Variants in BMP2K observed in about 807,000 individuals in gnomAD.
BMP2K encodes the protein BMP-2-inducible protein kinase.
BMP2K carries 74 observed loss-of-function variants against 116.0 expected under a neutral mutation model. The observed-to-expected ratio is 0.64, with a 90% CI of 0.53 to 0.77. BMP2K has a LOEUF of 0.77. Among genes scored for constraint, BMP2K ranks in the 30% least tolerant of loss-of-function variants. BMP2K has a pLI of 0.00. For missense variants in BMP2K, 1,365 were observed against 1,403.6 expected (o/e 0.97, Z 0.44); for synonymous variants, 486 against 502.5 (o/e 0.97, Z 0.44).
At chr4:78,837,913 G>A (rs906043225) in intron 3 of BMP2K, among the ~76,000 whole-genome samples, 5 of 152,182 alleles carry the variant, frequency 3.3e-5, no homozygotes, top group Non-Finnish European at 7.3e-5. Context: ...AAAGTGTTGC[G>A]ATTAAGGGCA....
chr4:78,810,551 G>C (rs1468058565), intron 1 of BMP2K, among the ~76,000 whole-genome samples: 2 of 152,168 alleles, frequency 1.3e-5, no homozygotes, highest in Non-Finnish European at 2.9e-5. Flanking sequence ...GCCGAGTCAG[G>C]TCACATAAAG....
intron 15 of BMP2K, among the ~76,000 whole-genome samples, chr4:78,902,135 G>A (rs1434634141): frequency 2.0e-5 from 3 of 152,078 alleles, no homozygotes; most frequent in Admixed American, 2.0e-4. Flanking sequence ...TAATAGTTAC[G>A]ATATACTGAA....
At chr4:78,841,543 A>T (rs1156244342) in intron 3 of BMP2K, among the ~76,000 whole-genome samples, 2 of 151,706 alleles carry the variant, frequency 1.3e-5, no homozygotes, top group Non-Finnish European at 2.9e-5. Flanking sequence ...GCCCATTTTG[A>T]CTCTTTTGAT....
chr4:78,857,775 T>G (rs938070261), intron 7 of BMP2K, among the ~76,000 whole-genome samples: 1 of 152,132 alleles, frequency 6.6e-6, no homozygotes, highest in East Asian at 1.9e-4. Flanking sequence ...GAATTTGCTC[T>G]CTAGCTTTCA....
At chr4:78,842,356 T>C (rs367824375) in intron 3 of BMP2K, 29 bp from the exon 4 acceptor site, 15 of 1,560,262 alleles carry the variant, frequency 9.6e-6, no homozygotes, top group African/African-American at 1.4e-5. Flanking sequence ...ATTAAAAATA[T>C]GTCCTCTCAA....
chr4:78,842,497 T>G lies in BMP2K; in HGVS notation c.516T>G (p.Cys172Trp). ...TCEAVARLHQ[C>W]KTPIIHRDLK... is the part of the protein sequence containing the mutation. Reference sequence around the variant, plus strand: ...AAGCTGTTGCAAGGTTGCATCAGTGTAAGACTCCAATAATTCACCGGGATC... The same window carrying G: ...AAGCTGTTGCAAGGTTGCATCAGTGGAAGACTCCAATAATTCACCGGGATC... The change falls in exon 4 of 16, where the codon TGT becomes TGG. Residue 172 changes from cysteine to tryptophan, a missense_variant. Cys to Trp is a radical substitution (Grantham distance 215). Around this residue, in one of 3 missense-constraint regions of BMP2K, gnomAD observed 762 missense variants for 756.7 expected, o/e 1.01. Transcript: ENST00000502613. 1 of 1,594,676 alleles carries G rather than the reference T, an allele frequency of 6.3e-7. No individual in the cohort carries two copies. The highest frequency in any genetic ancestry group is 8.6e-7 in the Non-Finnish European group (1 of 1,166,000).
intron 6 of BMP2K, 120 bp downstream of exon 6, chr4:78,847,389 A>C: frequency 2.1e-6 from 1 of 479,410 alleles, no homozygotes; most frequent in Non-Finnish European, 3.4e-6. Flanking sequence ...AGTGATGTAC[A>C]GTAGAGCTTC....
chr4:78,863,028 AAAAG>A (rs1458536644), intron 9 of BMP2K, among the ~76,000 whole-genome samples: 1 of 152,108 alleles, frequency 6.6e-6, no homozygotes, highest in African/African-American at 2.4e-5. Flanking sequence ...GATTTTTAAA[AAAAG>A]CGTAAGTCAG....
chr4:78,785,010 G>T (rs898070297), intron 1 of BMP2K, among the ~76,000 whole-genome samples: 1 of 152,166 alleles, frequency 6.6e-6, no homozygotes, highest in African/African-American at 2.4e-5. Flanking sequence ...CATAATGAAA[G>T]GATTGTGTTT....
At chr4:78,788,923 C>G (rs890746040) in intron 1 of BMP2K, among the ~76,000 whole-genome samples, 4 of 135,534 alleles carry the variant, frequency 3.0e-5, no homozygotes, top group African/African-American at 8.3e-5. Flanking sequence ...TTTAAATACA[C>G]TAAAGGTATT....
chr4:78,879,499 AG>A, intron 14 of BMP2K: 4 of 858,484 alleles, frequency 4.7e-6, no homozygotes, highest in Non-Finnish European at 5.6e-6. Flanking sequence ...ATATATGTCA[AG>A]CTTCGCCACA....
At chr4:78,845,436 A>G (rs1006503045) in intron 5 of BMP2K, among the ~76,000 whole-genome samples, 2 of 151,700 alleles carry the variant, frequency 1.3e-5, no homozygotes, top group Admixed American at 1.3e-4. Flanking sequence ...TTCTTATTTA[A>G]TATTAAAAGG....
intron 15 of BMP2K, among the ~76,000 whole-genome samples, chr4:78,901,850 T>G (rs1734024378): frequency 6.6e-6 from 1 of 152,190 alleles, no homozygotes; most frequent in Non-Finnish European, 1.5e-5. Context: ...AGTTTTAGAT[T>G]TCTTATATTG....
intron 15 of BMP2K, among the ~76,000 whole-genome samples, chr4:78,907,163 T>A (rs1040569113): frequency 1.3e-5 from 2 of 152,162 alleles, no homozygotes; most frequent in African/African-American, 4.8e-5. Context: ...GAATAAATAA[T>A]AGACTGTTGA....
At chr4:78,882,671 CTA>C (rs1015151055) in intron 14 of BMP2K, among the ~76,000 whole-genome samples, 123 of 151,952 alleles carry the variant, frequency 8.1e-4, no homozygotes, top group Middle Eastern at 3.6e-3. Flanking sequence ...TTAATTAAAA[CTA>C]TTACTTCATG....
At chr4:78,787,519 G>C (rs902461400) in intron 1 of BMP2K, among the ~76,000 whole-genome samples, 1 of 152,156 alleles carries the variant, frequency 6.6e-6, no homozygotes, top group Non-Finnish European at 1.5e-5. Flanking sequence ...ATGTGCTTTG[G>C]ATAACTGATC....
At chr4:78,868,731 C>T (rs574490687) in intron 10 of BMP2K, among the ~76,000 whole-genome samples, 1 of 152,274 alleles carries the variant, frequency 6.6e-6, no homozygotes, top group South Asian at 2.1e-4. Flanking sequence ...CCATACAAGT[C>T]TGAAATCCAG....
At chr4:78,865,844 C>A in intron 10 of BMP2K, 124 bp downstream of exon 10, 1 of 956,040 alleles carries the variant, frequency 1.0e-6, no homozygotes, top group Non-Finnish European at 1.5e-6. Context: ...CTTTCAGAAA[C>A]TTTCTATTGA....
intron 14 of BMP2K, among the ~76,000 whole-genome samples, chr4:78,884,254 G>A (rs370053919): frequency 6.6e-6 from 1 of 152,186 alleles, no homozygotes; most frequent in East Asian, 1.9e-4. Context: ...TTGAACCTGA[G>A]AGGTTGAGGC....
Sources: gnomAD v4.1 joint callset for allele counts (sites outside exome capture counted in the v4.1 genomes callset) on GRCh38, gnomAD v4.1.1 for gene constraint, gnomAD v4.1.1 regional missense constraint, MANE v1.5 for transcripts, NCBI Gene and HGNC (gene_info 2026-07-23, HGNC 2026-07-21) for gene names.